Variants in PCSK9 observed in about 807,000 individuals in gnomAD.
PCSK9 encodes convertase subtilisin/kexin type 9 preproprotein.
A neutral mutation model predicts 62.1 loss-of-function variants in PCSK9; 57 were observed. The ratio of observed to expected loss-of-function variants is 0.92; its 90% CI spans 0.74 to 1.14. The LOEUF (loss-of-function observed/expected upper bound fraction) is 1.14, where lower values mean the gene tolerates loss of function less well. Ranked by LOEUF, PCSK9 falls within the 50% of genes most tolerant of loss-of-function variation. The pLI, the probability that PCSK9 is intolerant of heterozygous loss-of-function variation, is 0.00. For synonymous variants in PCSK9, 387 were observed against 409.4 expected (o/e 0.95, Z 0.66); for missense variants, 870 against 959.8 (o/e 0.91, Z 1.24).
rs770115074 is a variant in PCSK9, at chr1:55,040,517, G to T, written c.207+473G>T. On this transcript the variant is annotated intron_variant, in intron 1 of 11. Coordinates refer to ENST00000302118, the MANE Select transcript of PCSK9 (RefSeq NM_174936.4). This position sits in a 1 kb window ranked among gnomAD's most constrained non-coding sequence, Gnocchi z 4.1. ...GGTTTGGAAAACATGGGCAGCGGAG[G>T]GTGGAGGGCCTGGAGAGAAGGCCCT... Among the ~76,000 whole-genome samples, 5 of 152,184 alleles carry T rather than the reference G, an allele frequency of 3.3e-5. No homozygotes were observed. The highest frequency in any genetic ancestry group is 7.3e-5 in the Non-Finnish European group (5 of 68,046).
At chr1:55,051,279 TTGAC>T (rs1644671000) in intron 3 of PCSK9, 2 of 450,960 alleles carry the variant, frequency 4.4e-6, no homozygotes, top group Admixed American at 2.4e-5. Flanking sequence ...CAGGAGCAGT[TTGAC>T]TGACAGCCCA....
intron 11 of PCSK9, 31 bp downstream of exon 11, chr1:55,061,587 G>A: frequency 6.4e-7 from 1 of 1,563,704 alleles, no homozygotes; most frequent in East Asian, 2.4e-5. Context: ...GGGTGGGTGG[G>A]GTGCTGCGTG....
intron 2 of PCSK9, among the ~76,000 whole-genome samples, chr1:55,044,403 T>G (rs1362321552): frequency 6.6e-6 from 1 of 152,102 alleles, no homozygotes; most frequent in Non-Finnish European, 1.5e-5. Context: ...GGATGTTCAG[T>G]GGAGCCTGAG....
chr1:55,051,032 C>G (rs958964754), intron 3 of PCSK9: 4 of 413,618 alleles, frequency 9.7e-6, no homozygotes, highest in African/African-American at 8.2e-5. Context: ...CCAGGGAACA[C>G]CAGCAGCCAC....
intron 11 of PCSK9, among the ~76,000 whole-genome samples, chr1:55,062,276 A>G (rs1644765738): frequency 6.6e-6 from 1 of 152,246 alleles, no homozygotes; most frequent in South Asian, 2.1e-4. Context: ...CCACTCTTAA[A>G]TGAACTCAGA....
At chr1:55,041,146 T>TA (rs1360489727) in intron 1 of PCSK9, among the ~76,000 whole-genome samples, 2 of 152,216 alleles carry the variant, frequency 1.3e-5, no homozygotes, top group Admixed American at 1.3e-4. Context: ...TGAGTGAACT[T>TA]ACAATGCAAG....
Position 55,063,934 on chromosome 1 carries a change from C to G in PCSK9, c.*350C>G. 1.6e-5 allele frequency: 5 copies of G among 314,526 alleles called. No individual in the cohort carries two copies. The South Asian group carries it at 2.6e-4, about 16-fold the overall frequency. The allele number at this position is 314,526 out of a possible 1,614,324, so 19.5% of individuals were successfully genotyped here. On this transcript the variant is annotated 3_prime_UTR_variant, in exon 12 of 12. Transcript: ENST00000302118. ...CTTTTATTGAGCTCTTGTTCCGTGC[C>G]AGGCATTCAATCCTCAGGTCTCCAC...
At chr1:55,057,994 G>A (rs1270580513) in intron 7 of PCSK9, 42 bp from the exon 8 acceptor site, 5 of 1,612,434 alleles carry the variant, frequency 3.1e-6, no homozygotes, top group African/African-American at 1.3e-5. Context: ...GGGGCAGGAG[G>A]GCCGGGCCAT....
intron 3 of PCSK9, among the ~76,000 whole-genome samples, chr1:55,048,800 A>C (rs892958977): frequency 2.0e-5 from 3 of 152,078 alleles, no homozygotes; most frequent in African/African-American, 7.2e-5. Flanking sequence ...GATAACCCTC[A>C]CTCTGGGGGG....
At chr1:55,060,413 G>T (rs1333279715) in intron 10 of PCSK9, among the ~76,000 whole-genome samples, 1 of 152,164 alleles carries the variant, frequency 6.6e-6, no homozygotes, top group Non-Finnish European at 1.5e-5. Flanking sequence ...CACGTCCAGG[G>T]GAACCACTGA....
At chr1:55,049,735 C>T (rs1644659844) in intron 3 of PCSK9, among the ~76,000 whole-genome samples, 1 of 152,218 alleles carries the variant, frequency 6.6e-6, no homozygotes, top group Non-Finnish European at 1.5e-5. Flanking sequence ...GCCTCCTGAC[C>T]CTGTCCCAGC....
At position 55,046,540 on chromosome 1, in the gene PCSK9, T is replaced by C. The variant is rs1416248785; in HGVS notation, c.417T>C (p.His139=). 1.9e-6 allele frequency: 3 copies of C among 1,614,148 alleles called. No individual in the cohort carries two copies. Among genetic ancestry groups the C allele is most frequent in the Non-Finnish European group, 2.5e-6 (3 of 1,180,024 alleles). The change falls in exon 3 of 12, where the codon CAT becomes CAC. Residue 139 remains histidine (H), a synonymous_variant. Coordinates refer to ENST00000302118, the MANE Select transcript of PCSK9 (RefSeq NM_174936.4). ...DLLELALKLP[H]VDYIEEDSSV... ...TTCTGCAGGCCTTGAAGTTGCCCCA[T>C]GTCGACTACATCGAGGAGGACTCCT... is the stretch of plus-strand genomic sequence containing the variant.
intron 2 of PCSK9, 25 bp downstream of exon 2, chr1:55,044,059 C>A: frequency 6.2e-7 from 1 of 1,613,142 alleles, no homozygotes; most frequent in Non-Finnish European, 8.5e-7. Context: ...TTGGGAATGG[C>A]ACTTCCTGAT....
rs189842754 is a variant in PCSK9, at chr1:55,061,654, C to G, written c.1863+98C>G. The G allele has an allele frequency of 2.1e-6, 3 of 1,446,508 alleles. No individual in the cohort carries two copies. In the African/African-American group the frequency reaches 4.2e-5, roughly 20 times the overall value. 89.6% of individuals were successfully genotyped at this position (1,446,508 alleles called of 1,614,324 possible). A position where few individuals can be genotyped will look rare whatever the true frequency, so the allele number is the denominator to read the frequency against. On this transcript the variant is annotated intron_variant, in intron 11 of 11. Coordinates refer to ENST00000302118, the MANE Select transcript of PCSK9 (RefSeq NM_174936.4). ...GTGCCACCACCATACCGCCATGCAT[C>G]AGGGTGGCGGTTTGCCAGGTAGATG...
chr1:55,054,046 T>C (rs995683861), intron 5 of PCSK9, among the ~76,000 whole-genome samples: 4 of 152,206 alleles, frequency 2.6e-5, no homozygotes, highest in Non-Finnish European at 5.9e-5. Flanking sequence ...TGATTGTGTG[T>C]CCAGTCTGAG....
intron 3 of PCSK9, among the ~76,000 whole-genome samples, chr1:55,049,416 G>A (rs958146827): frequency 1.3e-5 from 2 of 152,220 alleles, no homozygotes; most frequent in African/African-American, 4.8e-5. Flanking sequence ...TGCTCTGGAG[G>A]TATGCAAGCA....
chr1:55,042,681 G>C (rs936770197), intron 1 of PCSK9, among the ~76,000 whole-genome samples: 1 of 152,222 alleles, frequency 6.6e-6, no homozygotes, highest in African/African-American at 2.4e-5. Flanking sequence ...TGGGGAGCCA[G>C]TGAAGGTTCT....
chr1:55,052,666 G>C lies in PCSK9; in HGVS notation c.674G>C (p.Ser225Thr). The change falls in exon 5 of 12, where the codon AGT becomes ACT. Residue 225 changes from serine to threonine, a missense_variant. Coordinates refer to ENST00000302118, the MANE Select transcript of PCSK9 (RefSeq NM_174936.4). ...GTCGAGCAGGCCAGCAAGTGTGACA[G>C]TCATGGCACCCACCTGGCAGGGGTG... ...RFHRQASKCDSHGTHLAGVVS... is the reference protein window; with the variant it reads ...RFHRQASKCDTHGTHLAGVVS... 1 of 1,613,196 alleles carries C rather than the reference G, an allele frequency of 6.2e-7. No homozygotes were observed. Among genetic ancestry groups the C allele is most frequent in the South Asian group, 1.1e-5 (1 of 91,036 alleles).
chr1:55,042,874 T>G (rs1428722173), intron 1 of PCSK9, among the ~76,000 whole-genome samples: 1 of 152,246 alleles, frequency 6.6e-6, no homozygotes, highest in African/African-American at 2.4e-5. Context: ...GGAACCCCTG[T>G]GAAAGGCTTG....
Sources: gnomAD v4.1 joint callset for allele counts (sites outside exome capture counted in the v4.1 genomes callset) on GRCh38, gnomAD v4.1.1 for gene constraint, Gnocchi (gnomAD v3.1) non-coding constraint, MANE v1.5 for transcripts, NCBI Gene and HGNC (gene_info 2026-07-23, HGNC 2026-07-21) for gene names.